Variants in PNPLA7 observed in about 807,000 individuals in gnomAD.
PNPLA7 encodes the protein patatin like domain 7, lysophospholipase.
In PNPLA7, 153 loss-of-function variants were observed where a neutral mutation model predicts 161.7. The observed-to-expected ratio is 0.95, with a 90% CI of 0.83 to 1.08. PNPLA7 has a LOEUF of 1.08. PNPLA7 is among the 50% of genes least tolerant of loss of function. The pLI is 0.00. For synonymous variants in PNPLA7, 809 were observed against 782.1 expected (o/e 1.03, Z -0.57); for missense variants, 1,739 against 1,856.6 (o/e 0.94, Z 1.16).
intron 16 of PNPLA7, 135 bp from the exon 17 acceptor site, chr9:137,498,380 T>C: frequency 7.5e-7 from 1 of 1,332,668 alleles, no homozygotes; most frequent in Non-Finnish European, 1.0e-6. Flanking sequence ...TGGCAGGGGC[T>C]GGGACGGGGC....
Position 137,522,230 on chromosome 9 carries a change from A to G in PNPLA7, c.876+499T>C, listed in dbSNP as rs189123924. ...GCTGGGACTACAGGCGCCCGCCACCACGCCTGGCTAATTTTTTGTATTTTT... is the reference window on the plus strand; with the variant it reads ...GCTGGGACTACAGGCGCCCGCCACCGCGCCTGGCTAATTTTTTGTATTTTT... On this transcript the variant is annotated intron_variant, in intron 9 of 34. Coordinates refer to ENST00000406427, the MANE Select transcript of PNPLA7 (RefSeq NM_001098537.3). Among the ~76,000 whole-genome samples the G allele has an allele frequency of 3.0e-3, 450 of 152,232 alleles. 2 individuals carry two copies. The highest frequency in any genetic ancestry group is 0.01 in the African/African-American group (417 of 41,510).
chr9:137,537,140 G>A lies in PNPLA7; in HGVS notation c.747+3502C>T, dbSNP rs1835938835. On this transcript the variant is annotated intron_variant, in intron 8 of 34. Coordinates refer to ENST00000406427, the MANE Select transcript of PNPLA7 (RefSeq NM_001098537.3). The surrounding 1 kb of genome is among the most constrained non-coding windows in gnomAD (Gnocchi z 4.5). Reference sequence around the variant, plus strand: ...GAACCGAAGCGTTTTCAGTGTGAGGGGACAGACGGCCACTGTTGATAAAAC... The same window carrying A: ...GAACCGAAGCGTTTTCAGTGTGAGGAGACAGACGGCCACTGTTGATAAAAC... Among the ~76,000 whole-genome samples, 1 of 152,184 alleles carries A rather than the reference G, an allele frequency of 6.6e-6. No homozygotes were observed. Among genetic ancestry groups the A allele is most frequent in the Non-Finnish European group, 1.5e-5 (1 of 68,030 alleles).
At chr9:137,488,723 C>A (rs932751000) in intron 20 of PNPLA7, among the ~76,000 whole-genome samples, 12 of 133,224 alleles carry the variant, frequency 9.0e-5, no homozygotes, top group South Asian at 2.8e-4. Context: ...CATCCCCCCC[C>A]AACTGTGCAC....
rs191988479 is a variant in PNPLA7, at chr9:137,476,215, T to A, written c.2882+1819A>T. 1.3e-3 allele frequency among the ~76,000 whole-genome samples: 195 copies of A among 152,330 alleles called. No individual in the cohort carries two copies. The highest frequency in any genetic ancestry group is 2.1e-3 in the Non-Finnish European group (144 of 68,028). On this transcript the variant is annotated intron_variant, in intron 25 of 34. Transcript: ENST00000406427. The surrounding 1 kb of genome is among the most constrained non-coding windows in gnomAD (Gnocchi z 4.5). Reference sequence around the variant, plus strand: ...AACATACCGAGAGGAGGTTAATGCCTGCCTCAGTGTCTTCGGGTAAATTAA... The same window carrying A: ...AACATACCGAGAGGAGGTTAATGCCAGCCTCAGTGTCTTCGGGTAAATTAA...
intron 14 of PNPLA7, among the ~76,000 whole-genome samples, chr9:137,503,794 A>AATAGAAGAAGGGAGAAG (rs1429670709): frequency 4.5e-4 from 13 of 28,738 alleles, no homozygotes; most frequent in African/African-American, 7.1e-4. Flanking sequence ...AAGAGAATGA[A>AATAGAAGAAGGGAGAAG]GAAGAAGGAA....
At chr9:137,475,695 A>T (rs1481426606) in intron 25 of PNPLA7, among the ~76,000 whole-genome samples, 7 of 151,140 alleles carry the variant, frequency 4.6e-5, no homozygotes, top group African/African-American at 1.7e-4. Flanking sequence ...TTTTTTTTAA[A>T]AAAAAAGAAT....
intron 11 of PNPLA7, 117 bp from the exon 12 acceptor site, chr9:137,515,636 C>T (rs1447005034): frequency 1.6e-5 from 20 of 1,287,920 alleles, no homozygotes; most frequent in African/African-American, 4.6e-5. Context: ...CACCTGAACG[C>T]GCTCTGGACC....
At position 137,462,163 on chromosome 9, in the gene PNPLA7, G is replaced by A. The variant is rs902368549; in HGVS notation, c.3645+16C>T. ...GCCTCCGCCCGCCTCCGCCGCCGCGGGTGGCCGGCACTCACGCAGATCTCG... is the reference window on the plus strand; with the variant it reads ...GCCTCCGCCCGCCTCCGCCGCCGCGAGTGGCCGGCACTCACGCAGATCTCG... On this transcript the variant is annotated intron_variant, in intron 31 of 34. Coordinates refer to ENST00000406427, the MANE Select transcript of PNPLA7 (RefSeq NM_001098537.3). The A allele has an allele frequency of 2.6e-6, 4 of 1,554,396 alleles. No homozygotes were observed. Among genetic ancestry groups the A allele is most frequent in the Non-Finnish European group, 2.6e-6 (3 of 1,146,634 alleles).
intron 18 of PNPLA7, among the ~76,000 whole-genome samples, chr9:137,495,496 T>C (rs1588599274): frequency 6.6e-6 from 1 of 151,516 alleles, no homozygotes; most frequent in South Asian, 2.1e-4. Flanking sequence ...CAGGCTGGAG[T>C]GCAGTGGTGC....
At position 137,460,315 on chromosome 9, in the gene PNPLA7, C is replaced by T; in HGVS notation, c.*78G>A. On this transcript the variant is annotated 3_prime_UTR_variant, in exon 35 of 35. Transcript: ENST00000406427. Reference sequence around the variant, plus strand: ...TTCCAGCAGGGCAGGTACAGAGGCCCCTAGGACTTGGCAGGAGCCTCAGCC... The same window carrying T: ...TTCCAGCAGGGCAGGTACAGAGGCCTCTAGGACTTGGCAGGAGCCTCAGCC... The T allele has an allele frequency of 4.8e-6, 7 of 1,451,510 alleles. No individual in the cohort carries two copies. Among genetic ancestry groups the T allele is most frequent in the South Asian group, 1.2e-5 (1 of 80,948 alleles). The allele number at this position is 1,451,510 out of a possible 1,614,324, so 89.9% of individuals were successfully genotyped here.
intron 8 of PNPLA7, among the ~76,000 whole-genome samples, chr9:137,525,968 T>C (rs34112382): frequency 5.5e-4 from 76 of 138,856 alleles, no homozygotes; most frequent in East Asian, 1.4e-3. Flanking sequence ...TCAGCTCCTA[T>C]CTCTGTATGG....
intron 33 of PNPLA7, 101 bp from the exon 34 acceptor site, chr9:137,460,838 C>T (rs574289476): frequency 3.6e-5 from 41 of 1,137,462 alleles, no homozygotes; most frequent in Admixed American, 4.4e-5. Context: ...TGCCCACCCC[C>T]GCCTCCAAGG....
At chr9:137,464,058 G>A in intron 28 of PNPLA7, 68 bp downstream of exon 28, 1 of 1,538,806 alleles carries the variant, frequency 6.5e-7, no homozygotes, top group Non-Finnish European at 8.9e-7. Context: ...AACCCCTGGG[G>A]CTGCTGAGCT....
chr9:137,470,811 T>C (rs569858880), intron 25 of PNPLA7, among the ~76,000 whole-genome samples: 44 of 152,356 alleles, frequency 2.9e-4, no homozygotes, highest in African/African-American at 4.3e-4. Context: ...TGAAAATCAA[T>C]GTAATTAACA....
chr9:137,460,429 TG>T lies in PNPLA7; in HGVS notation c.3992del (p.Pro1331GlnfsTer17). Reference sequence around the variant, plus strand: ...GGTCAGAGGAGCCCTCAGACAGTTTTGGGAAAGCCAGACTGGGGTGTCGATG... The same window carrying T: ...GGTCAGAGGAGCCCTCAGACAGTTTTGGAAAGCCAGACTGGGGTGTCGATG... ...LRHRHPSLAF[P>X]KLSEGSSDQD... is the part of the protein sequence containing the mutation. On this transcript the variant is annotated frameshift_variant, in exon 35 of 35. Transcript: ENST00000406427. LOFTEE classifies it low-confidence loss of function (END_TRUNC). The T allele has an allele frequency of 1.9e-6, 3 of 1,612,694 alleles. No individual in the cohort carries two copies. Among genetic ancestry groups the T allele is most frequent in the Non-Finnish European group, 2.5e-6 (3 of 1,179,900 alleles).
rs769058742 is a variant in PNPLA7 at position 137,461,552 on chromosome 9, C to T, written c.3825G>A (p.Lys1275=). The T allele has an allele frequency of 4.3e-6, 7 of 1,612,352 alleles. No homozygotes were observed. Among genetic ancestry groups the T allele is most frequent in the African/African-American group, 4.0e-5 (3 of 74,928 alleles). Residue 1275 remains lysine, a synonymous_variant, in exon 33 of 35, where the codon AAG becomes AAA. Coordinates refer to ENST00000406427, the MANE Select transcript of PNPLA7 (RefSeq NM_001098537.3). ...TCCACTCACCATCCACCATGGCGGG[C>T]TTGGCGGGCTCAATGCGAGACACAA... ...AEIVSRIEPA[K]PAMVDDESDY... is the part of the protein sequence containing the mutation.
chr9:137,545,387 A>G (rs1437604885), intron 4 of PNPLA7, among the ~76,000 whole-genome samples: 1 of 152,208 alleles, frequency 6.6e-6, no homozygotes, highest in South Asian at 2.1e-4. Flanking sequence ...CAAGCTTGGC[A>G]GCAGAGTCAG....
chr9:137,482,266 A>T (rs1301620057), intron 21 of PNPLA7, among the ~76,000 whole-genome samples: 1 of 152,256 alleles, frequency 6.6e-6, no homozygotes, highest in Non-Finnish European at 1.5e-5. Flanking sequence ...ACCTCTGTCC[A>T]CACAGAAGCA....
intron 11 of PNPLA7, among the ~76,000 whole-genome samples, chr9:137,519,713 C>T (rs141423365): frequency 1.3e-5 from 2 of 150,158 alleles, no homozygotes; most frequent in Non-Finnish European, 3.0e-5. Context: ...CGTGAGGGGA[C>T]CTGGGGTGCG....
Sources: allele counts gnomAD v4.1 joint callset (sites outside exome capture counted in the v4.1 genomes callset), GRCh38; gene constraint gnomAD v4.1.1; non-coding constraint Gnocchi (gnomAD v3.1); transcripts MANE v1.5; gene names NCBI Gene and HGNC (gene_info 2026-07-23, HGNC 2026-07-21).